Variants in ENTREP2 observed in about 807,000 individuals in gnomAD.
ENTREP2 encodes the protein endosomal transmembrane epsin interactor 2.
chr15:29,273,614 C>T, the ENTREP2 span, among the ~76,000 whole-genome samples: 1 of 152,168 alleles, frequency 6.6e-6, no homozygotes, highest in South Asian at 2.1e-4. Context: ...AGGAGATTAA[C>T]ATTTCAGTAA....
chr15:29,339,488 G>A, the ENTREP2 span, among the ~76,000 whole-genome samples: 2 of 152,224 alleles, frequency 1.3e-5, no homozygotes, highest in South Asian at 2.1e-4. Flanking sequence ...ACTGTGAAGT[G>A]AAGACAGAAA....
At chr15:29,579,579 G>A in the ENTREP2 span, among the ~76,000 whole-genome samples, 2 of 149,424 alleles carry the variant, frequency 1.3e-5, no homozygotes, top group Non-Finnish European at 3.0e-5. Flanking sequence ...GAGTGCAGTG[G>A]CGCGATCTCA....
chr15:29,420,695 T>C, the ENTREP2 span, among the ~76,000 whole-genome samples: 1 of 152,182 alleles, frequency 6.6e-6, no homozygotes, highest in Non-Finnish European at 1.5e-5. Context: ...TTGGCCTCTA[T>C]ATGACACTTG....
At chr15:29,606,234 CCTT>C in the ENTREP2 span, among the ~76,000 whole-genome samples, 9 of 147,056 alleles carry the variant, frequency 6.1e-5, no homozygotes, top group South Asian at 1.8e-3. Context: ...CTTTTCTTTT[CCTT>C]CTTTTTTTTT....
chr15:29,364,463 G>A, the ENTREP2 span, among the ~76,000 whole-genome samples: 60 of 152,296 alleles, frequency 3.9e-4, 1 homozygote, highest in Non-Finnish European at 6.6e-4. Context: ...TTCCCACCAC[G>A]CTTGTTATTG....
At chr15:29,540,062 T>C in the ENTREP2 span, among the ~76,000 whole-genome samples, 3 of 152,152 alleles carry the variant, frequency 2.0e-5, no homozygotes, top group African/African-American at 7.2e-5. Context: ...GTTTGGGTCA[T>C]ATCACAGCCC....
At chr15:29,464,228 TA>T in the ENTREP2 span, among the ~76,000 whole-genome samples, 13 of 144,496 alleles carry the variant, frequency 9.0e-5, no homozygotes, top group South Asian at 2.2e-4. Flanking sequence ...ACCATGATAC[TA>T]AAAAAAAAAG....
At chr15:29,260,509 AT>A in the ENTREP2 span, among the ~76,000 whole-genome samples, 1 of 152,218 alleles carries the variant, frequency 6.6e-6, no homozygotes, top group Non-Finnish European at 1.5e-5. Context: ...CACAACATCA[AT>A]ACATTGAAGA....
the ENTREP2 span, among the ~76,000 whole-genome samples, chr15:29,498,208 G>A: frequency 1.3e-5 from 2 of 152,080 alleles, no homozygotes; most frequent in African/African-American, 2.4e-5. Flanking sequence ...GTTTCTTGAG[G>A]CCTCCCCAGC....
chr15:29,340,491 G>A, the ENTREP2 span, among the ~76,000 whole-genome samples: 1 of 152,154 alleles, frequency 6.6e-6, no homozygotes, highest in Admixed American at 6.5e-5. Flanking sequence ...CCACTCAGAA[G>A]AATGCTACAT....
the ENTREP2 span, chr15:29,570,432 G>A: frequency 3.9e-6 from 4 of 1,027,390 alleles, no homozygotes; most frequent in Non-Finnish European, 3.7e-6. Context: ...TGGCGTCCCG[G>A]CGGCCGCAGC....
the ENTREP2 span, among the ~76,000 whole-genome samples, chr15:29,204,954 C>T: frequency 6.6e-6 from 1 of 152,176 alleles, no homozygotes; most frequent in Admixed American, 6.5e-5. Flanking sequence ...CAAACTGAAA[C>T]TCTGTCACCA....
chr15:29,207,553 GCTA>G, the ENTREP2 span, among the ~76,000 whole-genome samples: 2 of 151,992 alleles, frequency 1.3e-5, no homozygotes, highest in Non-Finnish European at 2.9e-5. Context: ...CCCACGATTG[GCTA>G]CTTTTAGAAT....
the ENTREP2 span, chr15:29,137,072 G>C: frequency 7.5e-6 from 11 of 1,457,928 alleles, no homozygotes; most frequent in Admixed American, 3.5e-5. Context: ...TGTACTCTGG[G>C]GGGTAATAGG....
At chr15:29,152,880 G>A in the ENTREP2 span, among the ~76,000 whole-genome samples, 1 of 152,178 alleles carries the variant, frequency 6.6e-6, no homozygotes, top group African/African-American at 2.4e-5. Context: ...CTTCCAGAGT[G>A]GCTGAACAAT....
chr15:29,128,521 G>A, the ENTREP2 span, among the ~76,000 whole-genome samples: 3 of 152,062 alleles, frequency 2.0e-5, no homozygotes, highest in East Asian at 3.9e-4. Context: ...GAGAAAGTGG[G>A]GCAGAGGAAG....
At chr15:29,367,155 CA>C in the ENTREP2 span, among the ~76,000 whole-genome samples, 1 of 152,194 alleles carries the variant, frequency 6.6e-6, no homozygotes, top group Admixed American at 6.5e-5. Context: ...TCGGTAAGAA[CA>C]GTAGGATTTG....
the ENTREP2 span, chr15:29,234,111 G>T: frequency 1.3e-6 from 2 of 1,516,784 alleles, no homozygotes; most frequent in Non-Finnish European, 1.8e-6. Context: ...GACATTCTCT[G>T]CATCAATGAC....
the ENTREP2 span, among the ~76,000 whole-genome samples, chr15:29,632,576 G>A: frequency 6.6e-6 from 1 of 152,174 alleles, no homozygotes; most frequent in African/African-American, 2.4e-5. Context: ...CACATCAGGA[G>A]TTCAAGACCA....
Sources: gnomAD v4.1 joint callset for allele counts (sites outside exome capture counted in the v4.1 genomes callset) on GRCh38, gnomAD v4.1.1 for gene constraint, MANE v1.5 for transcripts, NCBI Gene and HGNC (gene_info 2026-07-23, HGNC 2026-07-21) for gene names.